Variants in ICAM4 observed in about 807,000 individuals in gnomAD.
ICAM4 encodes the protein intercellular adhesion molecule 4.
In ICAM4, 16 loss-of-function variants were observed where a neutral mutation model predicts 18.8. The ratio of observed to expected loss-of-function variants is 0.85; its 90% CI spans 0.58 to 1.29. ICAM4 has a LOEUF of 1.29. Among genes scored for constraint, ICAM4 ranks in the 50% most tolerant of loss-of-function variants. The pLI, the probability that ICAM4 is intolerant of heterozygous loss-of-function variation, is 0.00. For synonymous variants in ICAM4, 163 were observed against 163.2 expected (o/e 1.00, Z 0.01); for missense variants, 338 against 364.3 (o/e 0.93, Z 0.59).
In ICAM4 at chr19:10,288,187, C is replaced by T. The variant is rs766655632; in HGVS notation, c.*83C>T. On this transcript the variant is annotated 3_prime_UTR_variant, in exon 3 of 3. Transcript: ENST00000380770. ...AAATGGCCATACATGGTGGCTGACG[C>T]CTGTAATCCCAGCACTTTGGGAGGC... The T allele has an allele frequency of 6.2e-7, 1 of 1,608,836 alleles. No individual in the cohort carries two copies. Among genetic ancestry groups the T allele is most frequent in the East Asian group, 2.2e-5 (1 of 44,842 alleles).
Position 10,287,042 on chromosome 19 carries a change from G to A in ICAM4, c.30G>A (p.Leu10=). 6.4e-7 allele frequency: 1 copy of A among 1,561,292 alleles called. No individual in the cohort carries two copies. Among genetic ancestry groups the A allele is most frequent in the Non-Finnish European group, 8.7e-7 (1 of 1,152,502 alleles). Residue 10 remains leucine (L), a synonymous_variant, in exon 1 of 3, where the codon CTG becomes CTA. Coordinates refer to ENST00000380770, the MANE Select transcript of ICAM4 (RefSeq NM_001544.5). The surrounding 1 kb of genome is among the most constrained non-coding windows in gnomAD (Gnocchi z 8.7). MGSLFPLSL[L]FFLAAAYPGV... is the part of the protein sequence containing the mutation. ...GGTCTCTGTTCCCTCTGTCGCTGCT[G>A]TTTTTTTTGGCGGCCGCCTACCCGG...
Position 10,288,250 on chromosome 19 carries a change from C to A in ICAM4, c.*146C>A. The A allele has an allele frequency of 7.9e-7, 1 of 1,264,964 alleles. No individual in the cohort carries two copies. The highest frequency in any genetic ancestry group is 1.1e-6 in the Non-Finnish European group (1 of 884,158). 78.4% of individuals were successfully genotyped at this position (1,264,964 alleles called of 1,614,324 possible). On this transcript the variant is annotated 3_prime_UTR_variant, in exon 3 of 3. Coordinates refer to ENST00000380770, the MANE Select transcript of ICAM4 (RefSeq NM_001544.5). ...ATCGCTTGAGCCCAGGAGTTCGAGA[C>A]CAGCCTGGACAACATAGTGAGACCC...
At position 10,287,053 on chromosome 19, in the gene ICAM4, C is replaced by CGTGCTGA; in HGVS notation, c.42_43insTGCTGAG (p.Ala15CysfsTer2). 1 of 1,564,184 alleles carries CGTGCTGA rather than the reference C, an allele frequency of 6.4e-7. No individual in the cohort carries two copies. The highest frequency in any genetic ancestry group is 8.7e-7 in the Non-Finnish European group (1 of 1,154,968). Reference sequence around the variant, plus strand: ...CCTCTGTCGCTGCTGTTTTTTTTGGCGGCCGCCTACCCGGGAGTTGGGAGC... The same window carrying CGTGCTGA: ...CCTCTGTCGCTGCTGTTTTTTTTGGCGTGCTGAGGCCGCCTACCCGGGAGTTGGGAGC... On this transcript the variant is annotated stop_gained and frameshift_variant, in exon 1 of 3. Transcript: ENST00000380770. LOFTEE classifies it high-confidence loss of function. The surrounding 1 kb of genome is among the most constrained non-coding windows in gnomAD (Gnocchi z 8.7).
chr19:10,287,512 C>T lies in ICAM4; in HGVS notation c.395-24C>T, dbSNP rs776924459. 4 of 1,606,612 alleles carry T rather than the reference C, an allele frequency of 2.5e-6. No homozygotes were observed. The highest frequency in any genetic ancestry group is 3.4e-6 in the Non-Finnish European group (4 of 1,175,338). ...CTATAGGGAGCGCCCGCGGACCTCA[C>T]TCAGAGGCTCCCCCTTGCCTTAGAA... On this transcript the variant is annotated intron_variant, in intron 1 of 2. Transcript: ENST00000380770. The surrounding 1 kb of genome is among the most constrained non-coding windows in gnomAD (Gnocchi z 8.7).
rs770639024 is a variant in ICAM4, at chr19:10,287,043, T to A, written c.31T>A (p.Phe11Ile). 6.5e-7 allele frequency: 1 copy of A among 1,544,704 alleles called. No homozygotes were observed. The highest frequency in any genetic ancestry group is 1.2e-5 in the South Asian group (1 of 82,974). ...GTCTCTGTTCCCTCTGTCGCTGCTG[T>A]TTTTTTTGGCGGCCGCCTACCCGGG... is the stretch of plus-strand genomic sequence containing the variant. The part of the protein sequence containing the change: MGSLFPLSLL[F>I]FLAAAYPGVG... Residue 11 changes from phenylalanine (F) to isoleucine (I), a missense_variant, in exon 1 of 3, where the codon TTT becomes ATT. Transcript: ENST00000380770. This position sits in a 1 kb window ranked among gnomAD's most constrained non-coding sequence, Gnocchi z 8.7.
chr19:10,286,996 A>T lies in ICAM4; in HGVS notation c.-17A>T. ...CTGGCTCTCTGGCGCGGGGCCCCTTAGTCCGGGCTTTTTGCCATGGGGTCT... is the reference window on the plus strand; with the variant it reads ...CTGGCTCTCTGGCGCGGGGCCCCTTTGTCCGGGCTTTTTGCCATGGGGTCT... On this transcript the variant is annotated 5_prime_UTR_variant, in exon 1 of 3. Transcript: ENST00000380770. The T allele has an allele frequency of 6.7e-7, 1 of 1,493,340 alleles. No individual in the cohort carries two copies. 92.5% of individuals were successfully genotyped at this position (1,493,340 alleles called of 1,614,324 possible). A position where few individuals can be genotyped will look rare whatever the true frequency, so the allele number is the denominator to read the frequency against.
In ICAM4 at chr19:10,288,272, AC is replaced by A. The variant is rs572585716; in HGVS notation, c.*172del. ...AGACCAGCCTGGACAACATAGTGAG[AC>A]CCCGTCTATGCAAAAAATACACAAA... On this transcript the variant is annotated 3_prime_UTR_variant, in exon 3 of 3. Coordinates refer to ENST00000380770, the MANE Select transcript of ICAM4 (RefSeq NM_001544.5). The A allele has an allele frequency of 9.6e-7, 1 of 1,037,778 alleles. No individual in the cohort carries two copies. The highest frequency in any genetic ancestry group is 1.5e-6 in the Non-Finnish European group (1 of 688,556). 64.3% of individuals were successfully genotyped at this position (1,037,778 alleles called of 1,614,324 possible).
In ICAM4 at chr19:10,287,525, C is replaced by T; in HGVS notation, c.395-11C>T. 1 of 1,610,204 alleles carries T rather than the reference C, an allele frequency of 6.2e-7. No homozygotes were observed. The highest frequency in any genetic ancestry group is 8.5e-7 in the Non-Finnish European group (1 of 1,177,258). ...CCGCGGACCTCACTCAGAGGCTCCC[C>T]CTTGCCTTAGAACCGCCCCACAGCG... On this transcript the variant is annotated splice_polypyrimidine_tract_variant and intron_variant, in intron 1 of 2. Transcript: ENST00000380770. This position sits in a 1 kb window ranked among gnomAD's most constrained non-coding sequence, Gnocchi z 8.7.
chr19:10,287,768 C>G lies in ICAM4; in HGVS notation c.627C>G (p.Ile209Met). 6.2e-7 allele frequency: 1 copy of G among 1,613,776 alleles called. No individual in the cohort carries two copies. Among genetic ancestry groups the G allele is most frequent in the Non-Finnish European group, 8.5e-7 (1 of 1,180,048 alleles). ...CCCGCGACTTCTGGCAGCCCGTGAT[C>G]TGCCACGCGCGCCTCAATCTCGACG... is the stretch of plus-strand genomic sequence containing the variant. ...AGPRDFWQPVICHARLNLDGL... is the reference protein window; with the variant it reads ...AGPRDFWQPVMCHARLNLDGL... The change falls in exon 2 of 3, where the codon ATC becomes ATG. Residue 209 changes from isoleucine (I) to methionine (M), a missense_variant. By Grantham distance (10) the Ile-to-Met change is conservative. Coordinates refer to ENST00000380770, the MANE Select transcript of ICAM4 (RefSeq NM_001544.5). This position sits in a 1 kb window ranked among gnomAD's most constrained non-coding sequence, Gnocchi z 8.7.
rs1018903753 is a variant in ICAM4, at chr19:10,287,788, T to C, written c.647T>C (p.Leu216Pro). The C allele has an allele frequency of 2.5e-6, 4 of 1,613,362 alleles. No individual in the cohort carries two copies. In the African/African-American group the frequency reaches 5.3e-5, roughly 22 times the overall value. ...GTGATCTGCCACGCGCGCCTCAATC[T>C]CGACGGCCTGGTGGTCCGCAACAGC... ...QPVICHARLNLDGLVVRNSSA... is the reference protein window; with the variant it reads ...QPVICHARLNPDGLVVRNSSA... Residue 216 changes from leucine (L) to proline (P), a missense_variant, in exon 2 of 3, where the codon CTC becomes CCC. Leu to Pro is a moderately conservative substitution (Grantham distance 98). Coordinates refer to ENST00000380770, the MANE Select transcript of ICAM4 (RefSeq NM_001544.5). This position sits in a 1 kb window ranked among gnomAD's most constrained non-coding sequence, Gnocchi z 8.7.
Position 10,288,166 on chromosome 19 carries a change from G to A in ICAM4, c.*62G>A, listed in dbSNP as rs144913870. 9.3e-4 allele frequency: 1,506 copies of A among 1,613,530 alleles called. 3 individuals carry two copies. The highest frequency in any genetic ancestry group is 3.0e-3 in the Admixed American group (179 of 59,900). ...GGAATATGAAACAATCTGGGGAAAT[G>A]GCCATACATGGTGGCTGACGCCTGT... On this transcript the variant is annotated 3_prime_UTR_variant, in exon 3 of 3. Coordinates refer to ENST00000380770, the MANE Select transcript of ICAM4 (RefSeq NM_001544.5).
rs1215405181 is a variant in ICAM4, at chr19:10,287,894, A to AC, written c.697+60dup. 1 of 1,606,724 alleles carries AC rather than the reference A, an allele frequency of 6.2e-7. No individual in the cohort carries two copies. Among genetic ancestry groups the AC allele is most frequent in the Non-Finnish European group, 8.5e-7 (1 of 1,177,846 alleles). On this transcript the variant is annotated intron_variant, in intron 2 of 2. Coordinates refer to ENST00000380770, the MANE Select transcript of ICAM4 (RefSeq NM_001544.5). The surrounding 1 kb of genome is among the most constrained non-coding windows in gnomAD (Gnocchi z 8.7). ...GAGGAAGGGGGCAGAGAGAGTTATG[A>AC]CCCCGAGAGGGCGCACAGACCAAGC...
At position 10,287,364 on chromosome 19, in the gene ICAM4, G is replaced by T. The variant is rs779599159; in HGVS notation, c.352G>T (p.Ala118Ser). 2 of 1,610,104 alleles carry T rather than the reference G, an allele frequency of 1.2e-6. No homozygotes were observed. The highest frequency in any genetic ancestry group is 2.2e-5 in the East Asian group (1 of 44,688). Residue 118 changes from alanine to serine, a missense_variant, in exon 1 of 3, where the codon GCA (alanine) becomes TCA (serine). By Grantham distance (99) the Ala-to-Ser change is moderately conservative. Coordinates refer to ENST00000380770, the MANE Select transcript of ICAM4 (RefSeq NM_001544.5). This position sits in a 1 kb window ranked among gnomAD's most constrained non-coding sequence, Gnocchi z 8.7. Reference sequence around the variant, plus strand: ...CCTCGCGCACTGCCTCGTGACCTGCGCAGGAAAAACACGCTGGGCCACCTC... The same window carrying T: ...CCTCGCGCACTGCCTCGTGACCTGCTCAGGAAAAACACGCTGGGCCACCTC... ...SSLAHCLVTC[A>S]GKTRWATSRI...
chr19:10,287,177 G>A lies in ICAM4; in HGVS notation c.165G>A (p.Glu55=). 1.9e-6 allele frequency: 3 copies of A among 1,612,064 alleles called. No homozygotes were observed. Among genetic ancestry groups the A allele is most frequent in the Non-Finnish European group, 2.5e-6 (3 of 1,179,086 alleles). The part of the protein sequence containing the change: ...SVPFWVRMSP[E]FVAVQPGKSV... Reference sequence around the variant, plus strand: ...CCTTCTGGGTGCGCATGAGCCCGGAGTTCGTGGCTGTGCAGCCGGGGAAGT... The same window carrying A: ...CCTTCTGGGTGCGCATGAGCCCGGAATTCGTGGCTGTGCAGCCGGGGAAGT... The change falls in exon 1 of 3, where the codon GAG becomes GAA. Residue 55 remains glutamate (E), a synonymous_variant. Coordinates refer to ENST00000380770, the MANE Select transcript of ICAM4 (RefSeq NM_001544.5). This position sits in a 1 kb window ranked among gnomAD's most constrained non-coding sequence, Gnocchi z 8.7.
At position 10,287,299 on chromosome 19, in the gene ICAM4, G is replaced by A; in HGVS notation, c.287G>A (p.Trp96Ter). Residue 96 changes from tryptophan (W) to a stop codon, truncating the protein, a stop_gained, in exon 1 of 3, where the codon TGG becomes TAG. Coordinates refer to ENST00000380770, the MANE Select transcript of ICAM4 (RefSeq NM_001544.5). LOFTEE classifies it high-confidence loss of function. This position sits in a 1 kb window ranked among gnomAD's most constrained non-coding sequence, Gnocchi z 8.7. The stretch of plus-strand genomic sequence containing the variant: ...GGCAAGACGCTCAGAGGGCCGGGTT[G>A]GGTGTCTTACCAGCTGCTCGACGTG... ...RQGKTLRGPGWVSYQLLDVRA... is the reference protein window; with the variant it reads ...RQGKTLRGPG 1 of 1,613,748 alleles carries A rather than the reference G, an allele frequency of 6.2e-7. No individual in the cohort carries two copies. The highest frequency in any genetic ancestry group is 8.5e-7 in the Non-Finnish European group (1 of 1,180,020).
chr19:10,287,079 G>A lies in ICAM4; in HGVS notation c.67G>A (p.Ala23Thr). The change falls in exon 1 of 3, where the codon GCG becomes ACG. Residue 23 changes from alanine (A) to threonine (T), a missense_variant. By Grantham distance (58) the Ala-to-Thr change is moderately conservative. Coordinates refer to ENST00000380770, the MANE Select transcript of ICAM4 (RefSeq NM_001544.5). This position sits in a 1 kb window ranked among gnomAD's most constrained non-coding sequence, Gnocchi z 8.7. ...GGCCGCCTACCCGGGAGTTGGGAGC[G>A]CGCTGGGACGCCGGACTAAGCGGGC... The part of the protein sequence containing the change: ...LAAAYPGVGS[A>T]LGRRTKRAQS... 1.3e-6 allele frequency: 2 copies of A among 1,590,274 alleles called. No individual in the cohort carries two copies. The highest frequency in any genetic ancestry group is 1.7e-6 in the Non-Finnish European group (2 of 1,165,544).
chr19:10,287,937 C>A lies in ICAM4; in HGVS notation c.698-49C>A. On this transcript the variant is annotated intron_variant, in intron 2 of 2. Coordinates refer to ENST00000380770, the MANE Select transcript of ICAM4 (RefSeq NM_001544.5). This position sits in a 1 kb window ranked among gnomAD's most constrained non-coding sequence, Gnocchi z 8.7. ...GACCAAGCGTGAGCTCCACGCGGGTCGACAGACCTCCCTGTGTTCCGTTCC... is the reference window on the plus strand; with the variant it reads ...GACCAAGCGTGAGCTCCACGCGGGTAGACAGACCTCCCTGTGTTCCGTTCC... 6.2e-7 allele frequency: 1 copy of A among 1,612,054 alleles called. No individual in the cohort carries two copies. Among genetic ancestry groups the A allele is most frequent in the Middle Eastern group, 1.7e-4 (1 of 6,060 alleles).
Position 10,287,208 on chromosome 19 carries a change from C to T in ICAM4, c.196C>T (p.Gln66Ter), listed in dbSNP as rs778264646. ...FVAVQPGKSV[Q>*]LNCSNSCPQP... ...GGCTGTGCAGCCGGGGAAGTCAGTG[C>T]AGCTCAATTGCAGCAACAGCTGTCC... is the stretch of plus-strand genomic sequence containing the variant. The change falls in exon 1 of 3, where the codon CAG becomes TAG. Residue 66 changes from glutamine (Q) to a stop codon, truncating the protein, a stop_gained. Transcript: ENST00000380770. LOFTEE classifies it high-confidence loss of function. The surrounding 1 kb of genome is among the most constrained non-coding windows in gnomAD (Gnocchi z 8.7). 3 of 1,612,810 alleles carry T rather than the reference C, an allele frequency of 1.9e-6. No homozygotes were observed. Among genetic ancestry groups the T allele is most frequent in the Non-Finnish European group, 2.5e-6 (3 of 1,179,776 alleles).
rs2040117626 is a variant in ICAM4, at chr19:10,287,129, C to T, written c.117C>T (p.Leu39=). ...CGCAAAGCCCCAAGGGTAGCCCTCT[C>T]GCGCCCTCCGGGACCTCAGTGCCCT... ...KRAQSPKGSP[L]APSGTSVPFW... Residue 39 remains leucine (L), a synonymous_variant, in exon 1 of 3, where the codon CTC becomes CTT. Transcript: ENST00000380770. This position sits in a 1 kb window ranked among gnomAD's most constrained non-coding sequence, Gnocchi z 8.7. 13 of 1,608,414 alleles carry T rather than the reference C, an allele frequency of 8.1e-6. No individual in the cohort carries two copies. Among genetic ancestry groups the T allele is most frequent in the African/African-American group, 1.3e-5 (1 of 74,848 alleles).
Sources: allele counts gnomAD v4.1 joint callset, GRCh38; gene constraint gnomAD v4.1.1; non-coding constraint Gnocchi (gnomAD v3.1); transcripts MANE v1.5; gene names NCBI Gene and HGNC (gene_info 2026-07-23, HGNC 2026-07-21).